Variants in EVA1C observed in about 807,000 individuals in gnomAD.
EVA1C encodes eva-1 homolog C, also known as protein eva-1 homolog C.
EVA1C carries 25 observed loss-of-function variants against 45.4 expected under a neutral mutation model. That is an observed-to-expected ratio of 0.55 (90% CI 0.40 to 0.77). The LOEUF is 0.77. EVA1C is among the 30% of genes least tolerant of loss of function. The probability of loss-of-function intolerance (pLI) is 0.00; values close to 1 mark genes in which losing one functional copy is unlikely to be tolerated. For missense variants in EVA1C, 479 were observed against 554.8 expected (o/e 0.86, Z 1.37); for synonymous variants, 190 against 221.2 (o/e 0.86, Z 1.25).
chr21:32,412,957 T>C lies in EVA1C; in HGVS notation c.104T>C (p.Phe35Ser). The C allele has an allele frequency of 1.9e-6, 3 of 1,560,484 alleles. No individual in the cohort carries two copies. Among genetic ancestry groups the C allele is most frequent in the Non-Finnish European group, 2.6e-6 (3 of 1,155,774 alleles). The stretch of plus-strand genomic sequence containing the variant: ...CCGCCGGGGCAGCTCCTGCGCCTCT[T>C]CTACTGCACTGTCCTGGTCTGCTCC... ...VEPPGQLLRL[F>S]YCTVLVCSKE... The change falls in exon 1 of 8, where the codon TTC becomes TCC. Residue 35 changes from phenylalanine to serine, a missense_variant. Physicochemically the swap from Phe to Ser is radical, Grantham distance 155 (BLOSUM62 -2). This residue lies in a region of EVA1C where 80 missense variants were observed against 63.8 expected (regional missense o/e 1.25). Transcript: ENST00000300255.
Position 32,452,220 on chromosome 21 carries a change from G to C in EVA1C, c.161-1092G>C, listed in dbSNP as rs559261180. 116 of 152,360 alleles carry C rather than the reference G, an allele frequency of 7.6e-4. No individual in the cohort carries two copies. The highest frequency in any genetic ancestry group is 2.7e-3 in the African/African-American group (112 of 41,584). 9.4% of individuals were successfully genotyped at this position (152,360 alleles called of 1,614,324 possible). A position where few individuals can be genotyped will look rare whatever the true frequency, so the allele number is the denominator to read the frequency against. On this transcript the variant is annotated intron_variant, in intron 1 of 7. Transcript: ENST00000300255. This position sits in a 1 kb window ranked among gnomAD's most constrained non-coding sequence, Gnocchi z 4.0. ...TATAAAGGTGCTTCAGGACTCCTTG[G>C]CTCCTGGCCAATATCTTAGTGCTTC...
chr21:32,430,353 G>A (rs1272787145), intron 1 of EVA1C, among the ~76,000 whole-genome samples: 13 of 152,032 alleles, frequency 8.6e-5, no homozygotes, highest in African/African-American at 9.7e-5. Flanking sequence ...GACAGGACCC[G>A]CCAGCAATAC....
chr21:32,438,249 C>T (rs918226567), intron 1 of EVA1C, among the ~76,000 whole-genome samples: 3 of 152,096 alleles, frequency 2.0e-5, no homozygotes, highest in African/African-American at 7.2e-5. Context: ...GTAATCCCAG[C>T]ACTTTGGGAG....
chr21:32,465,090 CAG>C (rs1369391258), intron 3 of EVA1C, among the ~76,000 whole-genome samples: 1 of 152,180 alleles, frequency 6.6e-6, no homozygotes, highest in African/African-American at 2.4e-5. Context: ...AATTACAAAA[CAG>C]TGTTTATACT....
chr21:32,513,459 G>A (rs572501377), intron 7 of EVA1C, among the ~76,000 whole-genome samples: 3 of 147,722 alleles, frequency 2.0e-5, no homozygotes, highest in East Asian at 2.0e-4. Context: ...GATTACAGGC[G>A]TGAGCCACCG....
intron 1 of EVA1C, among the ~76,000 whole-genome samples, chr21:32,448,985 G>GAGAA (rs996858040): frequency 2.8e-5 from 4 of 144,832 alleles, no homozygotes; most frequent in African/African-American, 5.2e-5. Flanking sequence ...GAAAGAAAGA[G>GAGAA]AGAAAGAAAG....
intron 3 of EVA1C, among the ~76,000 whole-genome samples, chr21:32,465,215 C>A (rs1386398491): frequency 2.0e-5 from 3 of 152,174 alleles, no homozygotes; most frequent in Non-Finnish European, 4.4e-5. Flanking sequence ...CCTCAAATCA[C>A]AATTTGGAAA....
At chr21:32,416,079 G>A (rs941587858) in intron 1 of EVA1C, among the ~76,000 whole-genome samples, 1 of 152,032 alleles carries the variant, frequency 6.6e-6, no homozygotes, top group African/African-American at 2.4e-5. Context: ...GTGCTGAGAG[G>A]AGGGAGGGGT....
At chr21:32,420,635 C>G (rs1316854607) in intron 1 of EVA1C, among the ~76,000 whole-genome samples, 2 of 152,132 alleles carry the variant, frequency 1.3e-5, no homozygotes, top group African/African-American at 4.8e-5. Context: ...CTCAAGAGAG[C>G]CACCCGCCCT....
chr21:32,442,663 T>TAAA (rs111617678), intron 1 of EVA1C, among the ~76,000 whole-genome samples: 7 of 111,306 alleles, frequency 6.3e-5, no homozygotes, highest in Admixed American at 1.9e-4. Flanking sequence ...TGGCAGGTTA[T>TAAA]AAAAAAAAAA....
chr21:32,426,963 C>CA (rs1374449786), intron 1 of EVA1C, among the ~76,000 whole-genome samples: 1 of 151,902 alleles, frequency 6.6e-6, no homozygotes, highest in Non-Finnish European at 1.5e-5. Flanking sequence ...AGCTTTGTCC[C>CA]AAAAAAAGGT....
chr21:32,451,904 G>A (rs1292222899), intron 1 of EVA1C, among the ~76,000 whole-genome samples: 1 of 152,068 alleles, frequency 6.6e-6, no homozygotes, highest in Admixed American at 6.6e-5. Flanking sequence ...CACATTCTGG[G>A]GTTCCTGATG....
intron 5 of EVA1C, among the ~76,000 whole-genome samples, chr21:32,500,637 G>C (rs562797956): frequency 1.9e-4 from 25 of 131,686 alleles, no homozygotes; most frequent in East Asian, 2.6e-4. Flanking sequence ...CCACCCCCCC[G>C]GTCCCAGATA....
chr21:32,454,322 T>A (rs560453621), intron 2 of EVA1C, among the ~76,000 whole-genome samples: 1 of 152,328 alleles, frequency 6.6e-6, no homozygotes, highest in African/African-American at 2.4e-5. Context: ...TTGTAGATAA[T>A]CATGTCATTC....
At chr21:32,423,489 C>A (rs1444765091) in intron 1 of EVA1C, among the ~76,000 whole-genome samples, 5 of 152,054 alleles carry the variant, frequency 3.3e-5, no homozygotes, top group Non-Finnish European at 5.9e-5. Context: ...ACACACATTA[C>A]AGAGGAGTTT....
At chr21:32,415,147 C>T (rs1177337774) in intron 1 of EVA1C, among the ~76,000 whole-genome samples, 1 of 152,158 alleles carries the variant, frequency 6.6e-6, no homozygotes, top group Non-Finnish European at 1.5e-5. Context: ...GCCTGTGTTC[C>T]TGGGACAGTC....
intron 4 of EVA1C, among the ~76,000 whole-genome samples, chr21:32,485,443 G>A (rs1011424278): frequency 2.0e-5 from 3 of 152,132 alleles, no homozygotes; most frequent in Non-Finnish European, 2.9e-5. Context: ...GATTACAGGC[G>A]TGAGCCACCG....
chr21:32,497,329 A>C (rs2037385809), intron 5 of EVA1C: 1 of 592,640 alleles, frequency 1.7e-6, no homozygotes, highest in South Asian at 1.7e-5. Flanking sequence ...GGACTTTTTT[A>C]ATGGGTCCGT....
Position 32,495,175 on chromosome 21 carries a change from G to T in EVA1C, c.778+5G>T. 1 of 1,613,772 alleles carries T rather than the reference G, an allele frequency of 6.2e-7. No individual in the cohort carries two copies. The highest frequency in any genetic ancestry group is 8.5e-7 in the Non-Finnish European group (1 of 1,179,840). ...TCACTGTGACCTACGCATGTGGTAA[G>T]AACACACCCCCGACCAGCTGCCTGA... On this transcript the variant is annotated splice_donor_5th_base_variant and intron_variant, in intron 5 of 7. Transcript: ENST00000300255.
Sources: gnomAD v4.1 joint callset for allele counts (sites outside exome capture counted in the v4.1 genomes callset) on GRCh38, gnomAD v4.1.1 for gene constraint, gnomAD v4.1.1 regional missense constraint, Gnocchi (gnomAD v3.1) non-coding constraint, MANE v1.5 for transcripts, NCBI Gene and HGNC (gene_info 2026-07-23, HGNC 2026-07-21) for gene names.